Variants in ANGPT1 observed in about 807,000 individuals in gnomAD.
ANGPT1 encodes angiopoietin-1.
ANGPT1 carries 17 observed loss-of-function variants against 62.2 expected under a neutral mutation model. The ratio of observed to expected loss-of-function variants is 0.27; its 90% confidence interval spans 0.19 to 0.41. The LOEUF is 0.41. Among genes scored for constraint, ANGPT1 ranks in the 10% least tolerant of loss-of-function variants. ANGPT1 has a pLI of 1.00. For missense variants in ANGPT1, 478 were observed against 594.9 expected (o/e 0.80, Z 2.04); for synonymous variants, 199 against 198.9 (o/e 1.00, Z 0.00).
intron 7 of ANGPT1, among the ~76,000 whole-genome samples, chr8:107,270,208 C>T (rs918969699): frequency 6.6e-5 from 10 of 152,010 alleles, no homozygotes; most frequent in Admixed American, 2.0e-4. Context: ...TCACCATACT[C>T]AGGTGGCCAA....
chr8:107,390,912 T>TA (rs1167040313), intron 1 of ANGPT1, among the ~76,000 whole-genome samples: 1 of 152,106 alleles, frequency 6.6e-6, no homozygotes, highest in Admixed American at 6.6e-5. Context: ...CTCTGCTACT[T>TA]ATCCCTTCAT....
At chr8:107,405,867 G>A (rs1171157292) in intron 1 of ANGPT1, among the ~76,000 whole-genome samples, 1 of 151,622 alleles carries the variant, frequency 6.6e-6, no homozygotes, top group Non-Finnish European at 1.5e-5. Context: ...AGTAAAATTT[G>A]ATATTCCTCT....
At chr8:107,262,703 G>T (rs562501026) in intron 8 of ANGPT1, among the ~76,000 whole-genome samples, 21 of 152,328 alleles carry the variant, frequency 1.4e-4, no homozygotes, top group Admixed American at 1.2e-3. Context: ...ACAATTGAAG[G>T]TGGTAGTGAT....
At chr8:107,487,271 G>T (rs1402674609) in intron 1 of ANGPT1, among the ~76,000 whole-genome samples, 1 of 152,140 alleles carries the variant, frequency 6.6e-6, no homozygotes, top group Non-Finnish European at 1.5e-5. Context: ...GAAATAAAAA[G>T]GAGAGACAGG....
intron 1 of ANGPT1, among the ~76,000 whole-genome samples, chr8:107,431,107 T>C (rs1183054815): frequency 1.3e-5 from 2 of 152,346 alleles, no homozygotes; most frequent in East Asian, 3.9e-4. Context: ...ATAGTTCTTA[T>C]AGAACAGGCT....
At chr8:107,259,940 A>T (rs1813454533) in intron 8 of ANGPT1, among the ~76,000 whole-genome samples, 1 of 152,136 alleles carries the variant, frequency 6.6e-6, no homozygotes, top group Admixed American at 6.5e-5. Context: ...ATAAATCTAT[A>T]CAAAAAGTAT....
At chr8:107,326,719 T>C (rs1430552701) in intron 3 of ANGPT1, among the ~76,000 whole-genome samples, 1 of 152,144 alleles carries the variant, frequency 6.6e-6, no homozygotes, top group African/African-American at 2.4e-5. Context: ...TATATAGCAA[T>C]TTGAAACCTT....
intron 7 of ANGPT1, among the ~76,000 whole-genome samples, chr8:107,282,217 G>A (rs953679024): frequency 1.3e-5 from 2 of 151,672 alleles, no homozygotes; most frequent in African/African-American, 4.8e-5. Flanking sequence ...TCATGTCAAC[G>A]TGAATCGTAT....
intron 7 of ANGPT1, among the ~76,000 whole-genome samples, chr8:107,273,001 G>T (rs902909822): frequency 6.6e-6 from 1 of 151,764 alleles, no homozygotes; most frequent in Non-Finnish European, 1.5e-5. Flanking sequence ...ATGTGTGACT[G>T]ATAGAGTCAG....
intron 7 of ANGPT1, among the ~76,000 whole-genome samples, chr8:107,278,984 T>C (rs1813931063): frequency 2.0e-5 from 3 of 152,164 alleles, no homozygotes; most frequent in East Asian, 1.9e-4. Flanking sequence ...CACTGACAAA[T>C]ACAACCATGC....
chr8:107,364,869 G>C (rs1816239889), intron 1 of ANGPT1, among the ~76,000 whole-genome samples: 1 of 152,188 alleles, frequency 6.6e-6, no homozygotes, highest in Non-Finnish European at 1.5e-5. Flanking sequence ...AATTAATAAA[G>C]TGAGAGACTG....
Position 107,497,601 on chromosome 8 carries a change from C to T in ANGPT1, c.-43G>A. 1.9e-6 allele frequency: 3 copies of T among 1,575,636 alleles called. No homozygotes were observed. The highest frequency in any genetic ancestry group is 1.2e-5 in the South Asian group (1 of 85,790). On this transcript the variant is annotated 5_prime_UTR_variant, in exon 1 of 9. Coordinates refer to ENST00000517746, the MANE Select transcript of ANGPT1 (RefSeq NM_001146.5). Reference sequence around the variant, plus strand: ...CCTTCCGTGCCTCTCGCAAAACTTGCTCCTTTCTTCTGACCTCTAAAACTA... The same window carrying T: ...CCTTCCGTGCCTCTCGCAAAACTTGTTCCTTTCTTCTGACCTCTAAAACTA...
At chr8:107,310,790 C>A (rs1814831198) in intron 4 of ANGPT1, among the ~76,000 whole-genome samples, 1 of 152,058 alleles carries the variant, frequency 6.6e-6, no homozygotes, top group Admixed American at 6.6e-5. Context: ...AGGATTTACC[C>A]CTATTAATTT....
chr8:107,458,781 T>G (rs1164685902), intron 1 of ANGPT1, among the ~76,000 whole-genome samples: 1 of 152,152 alleles, frequency 6.6e-6, no homozygotes, highest in African/African-American at 2.4e-5. Flanking sequence ...AACCATTCCT[T>G]TGTGCTAAGT....
intron 1 of ANGPT1, among the ~76,000 whole-genome samples, chr8:107,481,798 CCGTGAGAACTCACTCACTAT>C (rs2130522434): frequency 2.0e-5 from 3 of 152,166 alleles, no homozygotes; most frequent in Admixed American, 1.3e-4. Flanking sequence ...CCATCAGATT[CCGTGAGAACTCACTCACTAT>C]CGTGAGAACT....
intron 1 of ANGPT1, among the ~76,000 whole-genome samples, chr8:107,460,019 G>A (rs1356676483): frequency 6.6e-6 from 1 of 152,166 alleles, no homozygotes; most frequent in East Asian, 1.9e-4. Flanking sequence ...AAAACACGCT[G>A]AAAGCATCAT....
chr8:107,282,421 T>C (rs571438217), intron 7 of ANGPT1, among the ~76,000 whole-genome samples: 14 of 55,462 alleles, frequency 2.5e-4, no homozygotes, highest in African/African-American at 4.2e-4. Context: ...GAGGCTCATA[T>C]GTATATATAT....
chr8:107,434,601 A>T (rs954411693), intron 1 of ANGPT1, among the ~76,000 whole-genome samples: 2 of 144,554 alleles, frequency 1.4e-5, no homozygotes, highest in Non-Finnish European at 3.0e-5. Flanking sequence ...CTTTAAAAAA[A>T]AAGAAAAAAA....
Position 107,363,827 on chromosome 8 carries a change from A to G in ANGPT1, c.298-16730T>C, listed in dbSNP as rs537943241. On this transcript the variant is annotated intron_variant, in intron 1 of 8. Coordinates refer to ENST00000517746, the MANE Select transcript of ANGPT1 (RefSeq NM_001146.5). ...CCTAATACTTATTAACACTGTGACT[A>G]TGAACAAGCCACTTAACTACTCTAA... Among the ~76,000 whole-genome samples, 5 of 152,300 alleles carry G rather than the reference A, an allele frequency of 3.3e-5. No homozygotes were observed. The South Asian group carries it at 1.0e-3, about 32-fold the overall frequency.
Sources: gnomAD v4.1 joint callset for allele counts (sites outside exome capture counted in the v4.1 genomes callset) on GRCh38, gnomAD v4.1.1 for gene constraint, MANE v1.5 for transcripts, NCBI Gene and HGNC (gene_info 2026-07-23, HGNC 2026-07-21) for gene names.